Variants in MIPOL1 observed in about 807,000 individuals in gnomAD.
MIPOL1 encodes mirror-image polydactyly 1, also known as mirror-image polydactyly gene 1 protein.
A neutral mutation model predicts 60.9 loss-of-function variants in MIPOL1; 57 were observed. That is an observed-to-expected ratio of 0.94 (90% confidence interval 0.76 to 1.17). The LOEUF is 1.17. Among genes scored for constraint, MIPOL1 ranks in the 50% most tolerant of loss-of-function variants. The probability of loss-of-function intolerance (pLI) is 0.00; values close to 1 mark genes in which losing one functional copy is unlikely to be tolerated. For missense variants in MIPOL1, 551 were observed against 511.6 expected (o/e 1.08, Z -0.74); for synonymous variants, 179 against 168.8 (o/e 1.06, Z -0.47).
In MIPOL1 at chr14:37,341,210, G is replaced by A. The variant is rs75720640; in HGVS notation, c.829-28307G>A. ...AATGTGACACAGACACACCCAATGA[G>A]CACATGCTATTGGAAAAATGGCATC... On this transcript the variant is annotated intron_variant, in intron 9 of 12. Coordinates refer to ENST00000684589, the MANE Select transcript of MIPOL1 (RefSeq NM_001388067.1). Among the ~76,000 whole-genome samples, 515 of 152,284 alleles carry A rather than the reference G, an allele frequency of 3.4e-3. 11 individuals carry two copies. The highest frequency in any genetic ancestry group is 0.024 in the Admixed American group (367 of 15,296).
intron 10 of MIPOL1, chr14:37,385,797 G>C (rs1056497136): frequency 1.3e-5 from 2 of 151,940 alleles, no homozygotes; most frequent in Non-Finnish European, 2.9e-5. Flanking sequence ...CTGTGCAAAT[G>C]TATTTTCTTT....
At chr14:37,451,775 T>C (rs931977801) in intron 11 of MIPOL1, among the ~76,000 whole-genome samples, 1 of 151,238 alleles carries the variant, frequency 6.6e-6, no homozygotes, top group Non-Finnish European at 1.5e-5. Context: ...AAAGAAATCA[T>C]TGTGAGCCTT....
At position 37,248,908 on chromosome 14, in the gene MIPOL1, C is replaced by T. The variant is rs114320942; in HGVS notation, c.19+1001C>T. On this transcript the variant is annotated intron_variant, in intron 3 of 12. Coordinates refer to ENST00000684589, the MANE Select transcript of MIPOL1 (RefSeq NM_001388067.1). ...CTGAGAGGCAGAGAACAGTCAGAGA[C>T]AGATAGAATTGGAAAGACTGTCTGA... is the stretch of plus-strand genomic sequence containing the variant. Among the ~76,000 whole-genome samples, 236 of 151,942 alleles carry T rather than the reference C, an allele frequency of 1.6e-3. 1 individual carries two copies. The highest frequency in any genetic ancestry group is 5.6e-3 in the African/African-American group (233 of 41,432).
intron 1 of MIPOL1, among the ~76,000 whole-genome samples, chr14:37,219,245 T>C (rs1160528590): frequency 6.6e-6 from 1 of 152,218 alleles, no homozygotes; most frequent in Non-Finnish European, 1.5e-5. Flanking sequence ...CTTAGCAGAA[T>C]TCTTGCTAAA....
intron 10 of MIPOL1, among the ~76,000 whole-genome samples, chr14:37,403,716 A>G (rs2093534991): frequency 6.6e-6 from 1 of 152,146 alleles, no homozygotes; most frequent in African/African-American, 2.4e-5. Context: ...TGTTATTTAC[A>G]GTTTCTGTCC....
At chr14:37,400,332 T>C (rs2093458851) in intron 10 of MIPOL1, 1 of 152,128 alleles carries the variant, frequency 6.6e-6, no homozygotes. Flanking sequence ...TGAAGATAAC[T>C]TCAGGTTTTT....
At position 37,518,976 on chromosome 14, in the gene MIPOL1, G is replaced by A. The variant is rs998986852; in HGVS notation, c.1262+18838G>A. ...ATTTTACATCTTAGAGTCTACAAAC[G>A]TACTCAAAAACAAGAGATGAAGGAT... On this transcript the variant is annotated intron_variant, in intron 12 of 12. Coordinates refer to ENST00000684589, the MANE Select transcript of MIPOL1 (RefSeq NM_001388067.1). Among the ~76,000 whole-genome samples, 8 of 152,022 alleles carry A rather than the reference G, an allele frequency of 5.3e-5. No homozygotes were observed. In the South Asian group the frequency reaches 6.2e-4, roughly 12 times the overall value.
At chr14:37,326,251 G>A (rs947171950) in intron 9 of MIPOL1, among the ~76,000 whole-genome samples, 1 of 152,188 alleles carries the variant, frequency 6.6e-6, no homozygotes, top group Non-Finnish European at 1.5e-5. Context: ...TGTCAAGCTA[G>A]CTGCTTCAGG....
At chr14:37,419,648 T>C (rs1263723245) in intron 10 of MIPOL1, among the ~76,000 whole-genome samples, 4 of 152,120 alleles carry the variant, frequency 2.6e-5, no homozygotes, top group African/African-American at 9.7e-5. Flanking sequence ...TTGTAAATAA[T>C]GAACCCAAAT....
At chr14:37,225,532 C>T (rs985548914) in intron 1 of MIPOL1, among the ~76,000 whole-genome samples, 2 of 152,148 alleles carry the variant, frequency 1.3e-5, no homozygotes, top group African/African-American at 4.8e-5. Flanking sequence ...TATGGTGGCC[C>T]CTTTCAGCCA....
chr14:37,427,657 T>G (rs967637637), intron 11 of MIPOL1, among the ~76,000 whole-genome samples: 67 of 152,200 alleles, frequency 4.4e-4, no homozygotes, highest in African/African-American at 1.5e-3. Flanking sequence ...TGGGATTAGT[T>G]TAAGATTCCT....
At chr14:37,271,916 G>A (rs1040332814) in intron 6 of MIPOL1, among the ~76,000 whole-genome samples, 4 of 151,354 alleles carry the variant, frequency 2.6e-5, no homozygotes, top group Non-Finnish European at 4.4e-5. Context: ...ATCTCTTGGA[G>A]GGGAAACCTA....
At chr14:37,534,735 A>G (rs560398854) in intron 12 of MIPOL1, among the ~76,000 whole-genome samples, 6 of 152,278 alleles carry the variant, frequency 3.9e-5, no homozygotes, top group South Asian at 2.1e-4. Flanking sequence ...TCACTTTCTA[A>G]TGTTGTTAGG....
rs1425599785 is a variant in MIPOL1 at position 37,282,232 on chromosome 14, G to A, written c.494-3086G>A. On this transcript the variant is annotated intron_variant, in intron 6 of 12. Coordinates refer to ENST00000684589, the MANE Select transcript of MIPOL1 (RefSeq NM_001388067.1). ...TTTGAGGCCCTCTTTGTCTAATATTGCAGTAATATTATTATTATTATTATT... is the reference window on the plus strand; with the variant it reads ...TTTGAGGCCCTCTTTGTCTAATATTACAGTAATATTATTATTATTATTATT... Among the ~76,000 whole-genome samples the A allele has an allele frequency of 2.0e-4, 14 of 68,650 alleles. No individual in the cohort carries two copies. In the Admixed American group the frequency reaches 2.1e-3, roughly 10 times the overall value. The allele number at this position is 68,650 out of a possible 152,430, so 45.0% of individuals were successfully genotyped here. A position where few individuals can be genotyped will look rare whatever the true frequency, so the allele number is the denominator to read the frequency against.
intron 9 of MIPOL1, among the ~76,000 whole-genome samples, chr14:37,316,410 A>T (rs952341086): frequency 1.3e-5 from 2 of 152,046 alleles, no homozygotes; most frequent in Non-Finnish European, 2.9e-5. Flanking sequence ...AGATTTGATC[A>T]CATGGATGAT....
intron 11 of MIPOL1, among the ~76,000 whole-genome samples, chr14:37,475,034 G>A (rs934602473): frequency 4.0e-5 from 6 of 151,572 alleles, no homozygotes; most frequent in Admixed American, 1.3e-4. Context: ...GCGTGATCTC[G>A]GCTCACTGCA....
chr14:37,374,913 T>C (rs2092733439), intron 10 of MIPOL1, among the ~76,000 whole-genome samples: 1 of 152,202 alleles, frequency 6.6e-6, no homozygotes, highest in Non-Finnish European at 1.5e-5. Context: ...TTTCTAATTT[T>C]GTGAAGAAAG....
Position 37,357,455 on chromosome 14 carries a change from G to A in MIPOL1, c.829-12062G>A, listed in dbSNP as rs150379492. On this transcript the variant is annotated intron_variant, in intron 9 of 12. Transcript: ENST00000684589. The stretch of plus-strand genomic sequence containing the variant: ...TTTTAGTTAAAAGCCATTTTAACTG[G>A]AGTGAGACAATAATCTAATTGTAGT... Among the ~76,000 whole-genome samples the A allele has an allele frequency of 3.1e-3, 467 of 152,222 alleles. 4 individuals carry two copies. The highest frequency in any genetic ancestry group is 9.6e-3 in the African/African-American group (398 of 41,534).
At position 37,550,242 on chromosome 14, in the gene MIPOL1, G is replaced by T. The variant is rs895951390; in HGVS notation, c.*3271G>T. 2 of 150,686 alleles carry T rather than the reference G, an allele frequency of 1.3e-5. No homozygotes were observed. The highest frequency in any genetic ancestry group is 4.9e-5 in the African/African-American group (2 of 41,222). 9.3% of individuals were successfully genotyped at this position (150,686 alleles called of 1,614,324 possible). A position where few individuals can be genotyped will look rare whatever the true frequency, so the allele number is the denominator to read the frequency against. The stretch of plus-strand genomic sequence containing the variant: ...TTTATTAAAAATCTAGAATATTAAA[G>T]ATTTATACTTTTAATATTGAATATA... On this transcript the variant is annotated 3_prime_UTR_variant, in exon 13 of 13. Transcript: ENST00000684589.
Sources: allele counts gnomAD v4.1 joint callset (sites outside exome capture counted in the v4.1 genomes callset), GRCh38; gene constraint gnomAD v4.1.1; transcripts MANE v1.5; gene names NCBI Gene and HGNC (gene_info 2026-07-23, HGNC 2026-07-21).